Variants in CSMD1 observed in about 807,000 individuals in gnomAD.
The protein encoded by CSMD1 is CUB and sushi domain-containing protein 1.
In CSMD1, 213 loss-of-function variants were observed where a neutral mutation model predicts 417.5. The ratio of observed to expected loss-of-function variants is 0.51; its 90% CI spans 0.46 to 0.57. The LOEUF is 0.57. Among genes scored for constraint, CSMD1 ranks in the 20% least tolerant of loss-of-function variants. The pLI, the probability that CSMD1 is intolerant of heterozygous loss-of-function variation, is 0.00. For synonymous variants in CSMD1, 2,862 were observed against 1,736.8 expected, an observed-to-expected ratio of 1.65 and a Z score of -16.11; for missense variants, 6,923 against 4,529.7, an observed-to-expected ratio of 1.53 and a Z score of -15.17.
chr8:4,500,392 C>T (rs1371824366), intron 2 of CSMD1, among the ~76,000 whole-genome samples: 3 of 151,934 alleles, frequency 2.0e-5, no homozygotes, highest in African/African-American at 7.3e-5. Context: ...ATATCACAGC[C>T]CGAAAAAATA....
intron 1 of CSMD1, among the ~76,000 whole-genome samples, chr8:4,740,396 G>C (rs766802650): frequency 2.0e-5 from 3 of 152,088 alleles, no homozygotes; most frequent in South Asian, 2.1e-4. Context: ...TGAGGAAATA[G>C]CAGCCTCTAT....
chr8:4,177,317 C>T (rs1798107757), intron 3 of CSMD1, among the ~76,000 whole-genome samples: 1 of 152,030 alleles, frequency 6.6e-6, no homozygotes, highest in Non-Finnish European at 1.5e-5. Flanking sequence ...GAACAACCTG[C>T]TCCTGAATGA....
At chr8:4,014,246 C>A (rs546245386) in intron 4 of CSMD1, among the ~76,000 whole-genome samples, 3 of 152,266 alleles carry the variant, frequency 2.0e-5, no homozygotes, top group African/African-American at 4.8e-5. Context: ...CTAACAGAAG[C>A]AACAAACACA....
intron 68 of CSMD1, among the ~76,000 whole-genome samples, chr8:2,943,379 C>T (rs937044956): frequency 3.9e-5 from 6 of 152,104 alleles, no homozygotes; most frequent in South Asian, 2.1e-4. Context: ...AGGTGCCTGC[C>T]GCCATGCCTG....
At chr8:3,085,403 C>T (rs554256620) in intron 49 of CSMD1, among the ~76,000 whole-genome samples, 2 of 152,266 alleles carry the variant, frequency 1.3e-5, no homozygotes, top group South Asian at 2.1e-4. Context: ...AGAACAAAGT[C>T]GTGTAAGTTA....
intron 8 of CSMD1, among the ~76,000 whole-genome samples, chr8:3,588,107 G>A (rs1008621482): frequency 3.9e-5 from 6 of 151,952 alleles, no homozygotes; most frequent in African/African-American, 1.2e-4. Context: ...ATATCTTTGT[G>A]TTTTCTATTC....
chr8:3,789,484 A>G (rs1430274224), intron 5 of CSMD1, among the ~76,000 whole-genome samples: 3 of 150,120 alleles, frequency 2.0e-5, no homozygotes, highest in Non-Finnish European at 4.4e-5. Context: ...TTTAACAGGA[A>G]AAGGAATACA....
At chr8:3,380,710 T>C (rs10089395) in intron 18 of CSMD1, among the ~76,000 whole-genome samples, 127,596 of 152,022 alleles carry the variant, frequency 0.84, 53,811 homozygotes, top group African/African-American at 0.92. Flanking sequence ...GGACACAGGC[T>C]GGGGAAACAT....
intron 16 of CSMD1, among the ~76,000 whole-genome samples, chr8:3,398,710 G>A (rs1332473654): frequency 1.3e-5 from 2 of 152,112 alleles, no homozygotes; most frequent in Non-Finnish European, 2.9e-5. Context: ...TGTTGCTCAT[G>A]ACAAAATCTT....
chr8:4,581,796 G>T (rs1461000811), intron 2 of CSMD1, among the ~76,000 whole-genome samples: 2 of 152,128 alleles, frequency 1.3e-5, no homozygotes, highest in Non-Finnish European at 2.9e-5. Flanking sequence ...CTATTGCTAG[G>T]CTCTGAGCAA....
intron 2 of CSMD1, among the ~76,000 whole-genome samples, chr8:4,630,792 G>A (rs980487076): frequency 6.6e-6 from 1 of 152,042 alleles, no homozygotes; most frequent in African/African-American, 2.4e-5. Flanking sequence ...TGTCATCTGT[G>A]CTCCAGTTAA....
intron 1 of CSMD1, among the ~76,000 whole-genome samples, chr8:4,894,571 A>AAG (rs1804353408): frequency 6.6e-6 from 1 of 151,848 alleles, no homozygotes; most frequent in Non-Finnish European, 1.5e-5. Flanking sequence ...AAAAAAAAAA[A>AAG]AAAAGCTACA....
In CSMD1 at chr8:4,554,893, G is replaced by C. The variant is rs1262771361; in HGVS notation, c.302+82449C>G. 2.0e-5 allele frequency among the ~76,000 whole-genome samples: 3 copies of C among 152,216 alleles called. No homozygotes were observed. The South Asian group carries it at 6.2e-4, about 32-fold the overall frequency. ...GTTGCCAGGCCCAGGTGGTGATGAT[G>C]GTGTTCATGGATGTGGGATGCTGTC... On this transcript the variant is annotated intron_variant, in intron 2 of 69. Transcript: ENST00000635120.
chr8:4,559,552 G>C (rs529035026), intron 2 of CSMD1, among the ~76,000 whole-genome samples: 45 of 152,256 alleles, frequency 3.0e-4, no homozygotes, highest in Non-Finnish European at 5.4e-4. Context: ...ATTCACTTTT[G>C]TTGTGTGTGT....
At chr8:2,984,213 G>A (rs1192901951) in intron 54 of CSMD1, among the ~76,000 whole-genome samples, 9 of 152,288 alleles carry the variant, frequency 5.9e-5, no homozygotes, top group Non-Finnish European at 8.8e-5. Context: ...TCTGATCCAC[G>A]TCTGTCAAAT....
chr8:3,803,014 A>G (rs574378298), intron 5 of CSMD1, among the ~76,000 whole-genome samples: 12 of 152,298 alleles, frequency 7.9e-5, no homozygotes, highest in African/African-American at 2.6e-4. Context: ...TTTTGTAATG[A>G]TAAGAACAAT....
At chr8:4,835,530 G>C (rs750132621) in intron 1 of CSMD1, among the ~76,000 whole-genome samples, 7 of 152,196 alleles carry the variant, frequency 4.6e-5, no homozygotes, top group Non-Finnish European at 8.8e-5. Context: ...CCAGTGGACA[G>C]TCAGCAACCT....
intron 3 of CSMD1, among the ~76,000 whole-genome samples, chr8:4,041,941 G>A (rs1042382716): frequency 6.6e-6 from 1 of 152,060 alleles, no homozygotes; most frequent in East Asian, 1.9e-4. Flanking sequence ...GAGATAGCAA[G>A]ATAAAGTATT....
chr8:4,176,436 C>T (rs559351444), intron 3 of CSMD1, among the ~76,000 whole-genome samples: 89 of 152,120 alleles, frequency 5.9e-4, no homozygotes, highest in Non-Finnish European at 1.0e-3. Flanking sequence ...ACCTTGGAAG[C>T]TTTCCTTTCC....
Sources: allele counts gnomAD v4.1 joint callset (sites outside exome capture counted in the v4.1 genomes callset), GRCh38; gene constraint gnomAD v4.1.1; transcripts MANE v1.5; gene names NCBI Gene and HGNC (gene_info 2026-07-23, HGNC 2026-07-21).